Variants in GHRL observed in about 807,000 individuals in gnomAD.
GHRL encodes ghrelin and obestatin prepropeptide, also known as appetite-regulating hormone.
A neutral mutation model predicts 16.9 loss-of-function variants in GHRL; 24 were observed. The observed-to-expected ratio is 1.42, with a 90% CI of 1.03 to 2.00. The LOEUF is 2.00. GHRL is among the 30% of genes most tolerant of loss of function. The probability of loss-of-function intolerance (pLI) is 0.00; values close to 1 mark genes in which losing one functional copy is unlikely to be tolerated. For synonymous variants in GHRL, 63 were observed against 58.2 expected (o/e 1.08, Z -0.37); for missense variants, 193 against 142.1 (o/e 1.36, Z -1.82).
chr3:10,291,288 G>T lies in GHRL; in HGVS notation c.-602C>A. The T allele has an allele frequency of 1.0e-6, 1 of 985,478 alleles. No individual in the cohort carries two copies. The highest frequency in any genetic ancestry group is 4.7e-5 in the South Asian group (1 of 21,290). 61.0% of individuals were successfully genotyped at this position (985,478 alleles called of 1,614,324 possible). ...TGATCATCCTCTCCAGAGAGTGGGT[G>T]TGGGGATAACTTCAGCCAGTGGCTA... On this transcript the variant is annotated 5_prime_UTR_variant, in exon 2 of 6. Transcript: ENST00000335542.
chr3:10,292,434 G>A (rs1559482117), intron 1 of GHRL: 1 of 186,208 alleles, frequency 5.4e-6, no homozygotes, highest in Non-Finnish European at 1.1e-5. Context: ...TGACTTAAAA[G>A]ATCAACCTCA....
intron 1 of GHRL, among the ~76,000 whole-genome samples, chr3:10,291,817 G>A (rs944516692): frequency 6.6e-6 from 1 of 152,142 alleles, no homozygotes; most frequent in African/African-American, 2.4e-5. Flanking sequence ...GCTTGCGGCA[G>A]GGATGTTAGC....
At chr3:10,287,913 A>T (rs1207648076) in intron 4 of GHRL, 1 of 87,952 alleles carries the variant, frequency 1.1e-5, no homozygotes, top group Admixed American at 1.2e-4. Context: ...GACATGATTG[A>T]ATTTTTTTTT....
chr3:10,291,917 G>C (rs1700075765), intron 1 of GHRL, among the ~76,000 whole-genome samples: 1 of 152,084 alleles, frequency 6.6e-6, no homozygotes, highest in African/African-American at 2.4e-5. Context: ...TGAAGGCGTG[G>C]GTAGAGTACA....
intron 4 of GHRL, among the ~76,000 whole-genome samples, chr3:10,287,690 C>T (rs1699279087): frequency 6.6e-6 from 1 of 152,138 alleles, no homozygotes; most frequent in East Asian, 1.9e-4. Flanking sequence ...CTTTTAAACC[C>T]ACTTGGCCCT....
intron 4 of GHRL, chr3:10,287,023 C>G (rs1217622437): frequency 1.0e-5 from 5 of 498,904 alleles, no homozygotes; most frequent in Admixed American, 6.8e-5. Context: ...CTTTCAGACA[C>G]TTACCTTGCA....
At position 10,286,859 on chromosome 3, in the gene GHRL, C is replaced by A. The variant is rs775460929; in HGVS notation, c.226-47G>T. ...ACCCAGGAGATGTCAGAGGTCATGC[C>A]CATCCCCATCTCAAAGGGGGCTCTG... On this transcript the variant is annotated intron_variant, in intron 4 of 5. Coordinates refer to ENST00000335542, the MANE Select transcript of GHRL (RefSeq NM_016362.5). 22 of 1,114,538 alleles carry A rather than the reference C, an allele frequency of 2.0e-5. No individual in the cohort carries two copies. In the South Asian group the frequency reaches 2.8e-4, roughly 14 times the overall value. The allele number at this position is 1,114,538 out of a possible 1,614,324, so 69.0% of individuals were successfully genotyped here.
intron 1 of GHRL, 42 bp from the exon 2 acceptor site, chr3:10,291,493 C>T (rs1700013707): frequency 6.1e-6 from 6 of 981,646 alleles, no homozygotes; most frequent in Non-Finnish European, 7.3e-6. Flanking sequence ...CCTGGCTCCT[C>T]TCTCATTGAC....
Position 10,286,698 on chromosome 3 carries a change from A to T in GHRL, c.334+6T>A. 1.3e-6 allele frequency: 2 copies of T among 1,503,284 alleles called. No homozygotes were observed. Among genetic ancestry groups the T allele is most frequent in the Non-Finnish European group, 1.9e-6 (2 of 1,078,758 alleles). The allele number at this position is 1,503,284 out of a possible 1,614,324, so 93.1% of individuals were successfully genotyped here. A position where few individuals can be genotyped will look rare whatever the true frequency, so the allele number is the denominator to read the frequency against. On this transcript the variant is annotated splice_donor_region_variant and intron_variant, in intron 5 of 5. Coordinates refer to ENST00000335542, the MANE Select transcript of GHRL (RefSeq NM_016362.5). ...ACCGAGCAAACCCAGTCCAGGCAGG[A>T]CTCACCTTTGGCCTCTTCCCAGAGG...
intron 2 of GHRL, 156 bp from the exon 3 acceptor site, chr3:10,290,365 A>T (rs1699809007): frequency 6.0e-6 from 4 of 666,442 alleles, no homozygotes; most frequent in Admixed American, 2.9e-5. Flanking sequence ...CCAAGGTAGA[A>T]GATGATGGAT....
rs1400395879 is a variant in GHRL at position 10,290,153 on chromosome 3, G to C, written c.28C>G (p.Leu10Val). The C allele has an allele frequency of 6.2e-7, 1 of 1,612,686 alleles. No homozygotes were observed. Among genetic ancestry groups the C allele is most frequent in the Non-Finnish European group, 8.5e-7 (1 of 1,179,800 alleles). MPSPGTVCS[L>V]LLLGMLWLDL... ...AGCCAGAGCATGCCGAGGAGCAGGA[G>C]GCTGCAGACGGTCCCTGGGGAGGGC... Residue 10 changes from leucine to valine, a missense_variant, in exon 3 of 6, where the codon CTC (leucine) becomes GTC (valine). Physicochemically the swap from Leu to Val is conservative, Grantham distance 32. Transcript: ENST00000335542.
chr3:10,290,366 G>T (rs1249740031), intron 2 of GHRL, 157 bp from the exon 3 acceptor site: 4 of 660,386 alleles, frequency 6.1e-6, no homozygotes, highest in Non-Finnish European at 7.6e-6. Flanking sequence ...CAAGGTAGAA[G>T]ATGATGGATG....
intron 4 of GHRL, 85 bp from the exon 5 acceptor site, chr3:10,286,897 CTCT>C: frequency 2.5e-6 from 2 of 804,350 alleles, no homozygotes; most frequent in Non-Finnish European, 4.2e-6. Context: ...CTCTCTGCCT[CTCT>C]TCAGGAGTGG....
intron 2 of GHRL, 149 bp downstream of exon 2, chr3:10,290,567 C>A: frequency 3.5e-6 from 1 of 282,024 alleles, no homozygotes. Context: ...GAGGTAGCTC[C>A]TAAATGAAGC....
At chr3:10,286,587 GGGAAATT>G in intron 5 of GHRL, 110 bp downstream of exon 5, 1 of 618,650 alleles carries the variant, frequency 1.6e-6, no homozygotes, top group Non-Finnish European at 3.0e-6. Flanking sequence ...CTTTGGGAAA[GGGAAATT>G]AGAAGTTCTT....
Position 10,289,887 on chromosome 3 carries a change from G to C in GHRL, c.109-9C>G, listed in dbSNP as rs754975877. The C allele has an allele frequency of 5.0e-6, 8 of 1,599,168 alleles. No individual in the cohort carries two copies. The East Asian group carries it at 1.8e-4, about 36-fold the overall frequency. On this transcript the variant is annotated splice_polypyrimidine_tract_variant and intron_variant, in intron 3 of 5. Coordinates refer to ENST00000335542, the MANE Select transcript of GHRL (RefSeq NM_016362.5). ...TTCGACTCCTTTCTCTGCTGGAAGG[G>C]GGAAACAGTCTGTTTAGGACTCTAA...
chr3:10,287,913 A>ATTTTTTTTTTTTTTTTTT (rs1576049089), intron 4 of GHRL: 1 of 87,952 alleles, frequency 1.1e-5, no homozygotes, highest in Non-Finnish European at 2.7e-5. Flanking sequence ...GACATGATTG[A>ATTTTTTTTTTTTTTTTTT]ATTTTTTTTT....
rs1699747507 is a variant in GHRL, at chr3:10,290,122, A to G, written c.59T>C (p.Leu20Ser). ...CAGGAAGCTGGAGCCTGCCATGGCC[A>G]AGTCCAGCCAGAGCATGCCGAGGAG... ...LLLLGMLWLD[L>S]AMAGSSFLSP... The change falls in exon 3 of 6, where the codon TTG (leucine) becomes TCG (serine). Residue 20 changes from leucine to serine, a missense_variant. Transcript: ENST00000335542. The G allele has an allele frequency of 6.2e-7, 1 of 1,613,312 alleles. No individual in the cohort carries two copies. The highest frequency in any genetic ancestry group is 8.5e-7 in the Non-Finnish European group (1 of 1,179,892).
chr3:10,290,063 G>C lies in GHRL; in HGVS notation c.108+10C>G. 6.2e-7 allele frequency: 1 copy of C among 1,611,038 alleles called. No homozygotes were observed. The highest frequency in any genetic ancestry group is 8.5e-7 in the Non-Finnish European group (1 of 1,178,882). ...GGAACAACATGTGGGGCTTTGTGGG[G>C]AGGTCTCACCTGGACTCTCTGGTGT... On this transcript the variant is annotated intron_variant, in intron 3 of 5. Coordinates refer to ENST00000335542, the MANE Select transcript of GHRL (RefSeq NM_016362.5).
Sources: allele counts gnomAD v4.1 joint callset (sites outside exome capture counted in the v4.1 genomes callset), GRCh38; gene constraint gnomAD v4.1.1; transcripts MANE v1.5; gene names NCBI Gene and HGNC (gene_info 2026-07-23, HGNC 2026-07-21).